Variants in EYS observed in about 807,000 individuals in gnomAD.
The protein encoded by EYS is protein eyes shut homolog.
EYS carries 250 observed loss-of-function variants against 282.1 expected under a neutral mutation model. The ratio of observed to expected loss-of-function variants is 0.89; its 90% CI spans 0.80 to 0.98. The LOEUF (loss-of-function observed/expected upper bound fraction) is 0.98. EYS is among the 50% of genes least tolerant of loss of function. The pLI is 0.00. For missense variants in EYS, 4,016 were observed against 3,709.0 expected, an observed-to-expected ratio of 1.08 and a Z score of -2.15; for synonymous variants, 1,355 against 1,282.9, an observed-to-expected ratio of 1.06 and a Z score of -1.20.
At chr6:65,429,755 T>C (rs558990686) in intron 5 of EYS, among the ~76,000 whole-genome samples, 2 of 151,904 alleles carry the variant, frequency 1.3e-5, no homozygotes, top group South Asian at 4.2e-4. Flanking sequence ...TTATGATGAG[T>C]TTCCAAAAAC....
At chr6:65,346,352 C>A (rs1234990524) in intron 9 of EYS, among the ~76,000 whole-genome samples, 2 of 135,754 alleles carry the variant, frequency 1.5e-5, no homozygotes, top group South Asian at 2.3e-4. Flanking sequence ...AAAATTAAAA[C>A]AAACAAAACT....
intron 2 of EYS, among the ~76,000 whole-genome samples, chr6:65,507,470 T>C (rs980386817): frequency 1.3e-5 from 2 of 152,084 alleles, no homozygotes; most frequent in African/African-American, 2.4e-5. Flanking sequence ...ATGAGAATCA[T>C]TTGTCACTCA....
At chr6:65,552,364 T>C (rs1048303663) in intron 2 of EYS, among the ~76,000 whole-genome samples, 1 of 152,218 alleles carries the variant, frequency 6.6e-6, no homozygotes, top group African/African-American at 2.4e-5. Flanking sequence ...GAAATAAACA[T>C]TGTTCTCTCA....
At chr6:63,759,921 A>G (rs1490446686) in intron 41 of EYS, among the ~76,000 whole-genome samples, 1 of 152,066 alleles carries the variant, frequency 6.6e-6, no homozygotes, top group African/African-American at 2.4e-5. Context: ...ATCAGTTTCA[A>G]TGGAAATCAG....
chr6:64,106,047 A>C (rs1336570029), intron 31 of EYS, among the ~76,000 whole-genome samples: 1 of 152,042 alleles, frequency 6.6e-6, no homozygotes, highest in Non-Finnish European at 1.5e-5. Flanking sequence ...TTGATGATTA[A>C]AGTAATTATT....
At chr6:64,963,574 T>C (rs1769997103) in intron 14 of EYS, among the ~76,000 whole-genome samples, 1 of 152,154 alleles carries the variant, frequency 6.6e-6, no homozygotes, top group Non-Finnish European at 1.5e-5. Flanking sequence ...ATGCAATAAA[T>C]GTGTGCACGA....
intron 2 of EYS, among the ~76,000 whole-genome samples, chr6:65,609,127 T>A (rs1038489568): frequency 6.6e-6 from 1 of 152,090 alleles, no homozygotes; most frequent in African/African-American, 2.4e-5. Flanking sequence ...ATTTTTTGTA[T>A]GACTGGCAGA....
At chr6:64,706,167 A>G (rs1429678087) in intron 22 of EYS, among the ~76,000 whole-genome samples, 1 of 152,080 alleles carries the variant, frequency 6.6e-6, no homozygotes, top group Non-Finnish European at 1.5e-5. Context: ...AATAAAGCCA[A>G]ATACTTACAG....
chr6:65,235,053 G>A (rs371738154), intron 12 of EYS, among the ~76,000 whole-genome samples: 39 of 152,244 alleles, frequency 2.6e-4, no homozygotes, highest in African/African-American at 9.1e-4. Context: ...GTTCATTAAA[G>A]TTTTATCTTT....
intron 11 of EYS, chr6:65,330,177 C>T: frequency 3.1e-6 from 3 of 979,750 alleles, no homozygotes; most frequent in Non-Finnish European, 2.4e-6. Flanking sequence ...TATAATCTTA[C>T]CTATGTATAG....
At chr6:63,774,475 G>A (rs1271165681) in intron 40 of EYS, among the ~76,000 whole-genome samples, 1 of 152,052 alleles carries the variant, frequency 6.6e-6, no homozygotes, top group Admixed American at 6.6e-5. Context: ...GGGCTACACT[G>A]TGTTTTTCTT....
At chr6:64,548,626 A>G (rs890333309) in intron 26 of EYS, among the ~76,000 whole-genome samples, 1 of 152,128 alleles carries the variant, frequency 6.6e-6, no homozygotes, top group Non-Finnish European at 1.5e-5. Flanking sequence ...GGAATTGAAC[A>G]ATGAGAACAC....
At chr6:64,432,510 T>C (rs764483956) in intron 28 of EYS, among the ~76,000 whole-genome samples, 2 of 151,196 alleles carry the variant, frequency 1.3e-5, no homozygotes, top group Non-Finnish European at 3.0e-5. Flanking sequence ...TCAATTATTA[T>C]GTTAATATAA....
rs147877203 is a variant in EYS at position 63,989,139 on chromosome 6, T to C, written c.6835-4536A>G. ...GGAGAGGTGATTATAAATATACTTT[T>C]CGGTTAAGATGAATTATCAGAGCGC... On this transcript the variant is annotated intron_variant, in intron 34 of 42. Coordinates refer to ENST00000503581, the MANE Select transcript of EYS (RefSeq NM_001142800.2). Among the ~76,000 whole-genome samples, 4 of 151,734 alleles carry C rather than the reference T, an allele frequency of 2.6e-5. No individual in the cohort carries two copies. The East Asian group carries it at 7.8e-4, about 29-fold the overall frequency.
intron 30 of EYS, among the ~76,000 whole-genome samples, chr6:64,247,919 G>C (rs753675140): frequency 4.6e-5 from 7 of 152,108 alleles, no homozygotes; most frequent in Non-Finnish European, 1.5e-5. Flanking sequence ...CTTGGTAGGA[G>C]ACAAAAGAGG....
In EYS at chr6:63,852,914, C is replaced by T. The variant is rs756390693; in HGVS notation, c.7228+11272G>A. On this transcript the variant is annotated intron_variant, in intron 36 of 42. Coordinates refer to ENST00000503581, the MANE Select transcript of EYS (RefSeq NM_001142800.2). Reference sequence around the variant, plus strand: ...ATTATCCCTACAGATGCAGAAAAGGCCTTTGATAAAATTCAACACCCCTTC... The same window carrying T: ...ATTATCCCTACAGATGCAGAAAAGGTCTTTGATAAAATTCAACACCCCTTC... Among the ~76,000 whole-genome samples the T allele has an allele frequency of 5.9e-4, 89 of 152,128 alleles. 2 individuals are homozygous for T. Among genetic ancestry groups the T allele is most frequent in the Non-Finnish European group, 1.8e-4 (12 of 68,026 alleles).
rs373467031 is a variant in EYS at position 64,386,020 on chromosome 6, A to T, written c.6078+2670T>A. 2.4e-4 allele frequency among the ~76,000 whole-genome samples: 36 copies of T among 152,232 alleles called. No homozygotes were observed. In the East Asian group the frequency reaches 6.0e-3, roughly 25 times the overall value. ...TTATTTTAATCCTCAAAATCAATTCAATCAGTTATTATGGCTTCCACCATC... is the reference window on the plus strand; with the variant it reads ...TTATTTTAATCCTCAAAATCAATTCTATCAGTTATTATGGCTTCCACCATC... On this transcript the variant is annotated intron_variant, in intron 29 of 42. Coordinates refer to ENST00000503581, the MANE Select transcript of EYS (RefSeq NM_001142800.2).
In EYS at chr6:63,789,192, G is replaced by C. The variant is rs1170937111; in HGVS notation, c.7444C>G (p.Leu2482Val). ...LNGDDFLAVG[L>V]LNGSVVYSYN... ...CTATAAACCACACTGCCATTGAGCA[G>C]GCCCACAGCCAGGAAGTCATCGCCA... Residue 2482 changes from leucine to valine, a missense_variant, in exon 38 of 43, where the codon CTG (leucine) becomes GTG (valine). Coordinates refer to ENST00000503581, the MANE Select transcript of EYS (RefSeq NM_001142800.2). The C allele has an allele frequency of 3.2e-6, 5 of 1,551,736 alleles. No individual in the cohort carries two copies. Among genetic ancestry groups the C allele is most frequent in the Non-Finnish European group, 4.4e-6 (5 of 1,146,960 alleles).
intron 28 of EYS, among the ~76,000 whole-genome samples, chr6:64,408,791 A>G (rs1190341481): frequency 6.6e-6 from 1 of 152,128 alleles, no homozygotes; most frequent in Non-Finnish European, 1.5e-5. Flanking sequence ...GGTTGGTGCA[A>G]AAGTAAGTGT....
Sources: gnomAD v4.1 joint callset for allele counts (sites outside exome capture counted in the v4.1 genomes callset) on GRCh38, gnomAD v4.1.1 for gene constraint, MANE v1.5 for transcripts, NCBI Gene and HGNC (gene_info 2026-07-23, HGNC 2026-07-21) for gene names.